The following MITF variants were observed in gnomAD, a reference collection of about 807,000 sequenced individuals.
MITF encodes the protein melanocyte inducing transcription factor.
Under a neutral mutation model 60.5 loss-of-function variants are expected in MITF, and 17 were observed. That is an observed-to-expected ratio of 0.28 (90% CI 0.19 to 0.42). MITF has a LOEUF of 0.42. Ranked by LOEUF, MITF falls within the 10% of genes least tolerant of loss-of-function variation. The pLI is 1.00. For missense variants in MITF, 622 were observed against 683.5 expected, an observed-to-expected ratio of 0.91 and a Z score of 1.00; for synonymous variants, 260 against 248.5, an observed-to-expected ratio of 1.05 and a Z score of -0.43.
rs201810369 is a variant in MITF at position 69,949,105 on chromosome 3, C to G, written c.817C>G (p.Pro273Ala). 12 of 1,613,766 alleles carry G rather than the reference C, an allele frequency of 7.4e-6. No individual in the cohort carries two copies. In the Admixed American group the frequency reaches 1.7e-4, roughly 22 times the overall value. ...DLYGNQGLPP[P>A]GLTISNSCPA... is the part of the protein sequence containing the mutation. ...TTATGGAAACCAAGGTCTGCCCCCA[C>G]CAGGCCTCACCATCAGCAACTCCTG... Residue 273 changes from proline to alanine, a missense_variant, in exon 6 of 10, where the codon CCA becomes GCA. Transcript: ENST00000352241.
intron 1 of MITF, among the ~76,000 whole-genome samples, chr3:69,838,982 G>A (rs1559664240): frequency 6.6e-6 from 1 of 152,166 alleles, no homozygotes; most frequent in Non-Finnish European, 1.5e-5. Flanking sequence ...AATTAGGGTA[G>A]CACACTTTAT....
intron 1 of MITF, among the ~76,000 whole-genome samples, chr3:69,814,375 A>G (rs981827955): frequency 6.6e-6 from 1 of 152,086 alleles, no homozygotes; most frequent in Non-Finnish European, 1.5e-5. Context: ...GTCACCTAGG[A>G]CGGCGTGCAG....
At chr3:69,827,959 T>C (rs1405497808) in intron 1 of MITF, among the ~76,000 whole-genome samples, 5 of 152,202 alleles carry the variant, frequency 3.3e-5, no homozygotes, top group African/African-American at 1.2e-4. Flanking sequence ...TGCCAGGTGA[T>C]GTGATGGAAG....
chr3:69,770,617 CTG>C (rs1478587387), intron 1 of MITF, among the ~76,000 whole-genome samples: 1 of 152,168 alleles, frequency 6.6e-6, no homozygotes, highest in Admixed American at 6.5e-5. Flanking sequence ...TGTGTATTGA[CTG>C]TGCAAAAGCA....
At chr3:69,954,809 T>C (rs1404156010) in intron 7 of MITF, among the ~76,000 whole-genome samples, 1 of 152,196 alleles carries the variant, frequency 6.6e-6, no homozygotes, top group African/African-American at 2.4e-5. Flanking sequence ...GATTTCATCA[T>C]TGGAATAATC....
At chr3:69,948,889 G>GTGAA (rs1165098142) in intron 5 of MITF, among the ~76,000 whole-genome samples, 162 bp from the exon 6 acceptor site, 2 of 152,124 alleles carry the variant, frequency 1.3e-5, no homozygotes, top group African/African-American at 2.4e-5. Flanking sequence ...TTTAATACCT[G>GTGAA]TGAATGAAAA....
At chr3:69,926,568 G>A (rs534458103) in intron 2 of MITF, among the ~76,000 whole-genome samples, 1 of 152,178 alleles carries the variant, frequency 6.6e-6, no homozygotes, top group African/African-American at 2.4e-5. Context: ...GGGGGGAAAT[G>A]GTACAACAAA....
intron 1 of MITF, among the ~76,000 whole-genome samples, chr3:69,865,668 C>T (rs2064099730): frequency 6.6e-6 from 1 of 152,068 alleles, no homozygotes; most frequent in African/African-American, 2.4e-5. Flanking sequence ...CAAGGACAAC[C>T]CTCCTAATAT....
intron 5 of MITF, among the ~76,000 whole-genome samples, chr3:69,947,296 G>A (rs538513108): frequency 6.6e-6 from 1 of 152,162 alleles, no homozygotes; most frequent in Non-Finnish European, 1.5e-5. Flanking sequence ...AAAGATAGGG[G>A]AATAAAGCTT....
intron 1 of MITF, among the ~76,000 whole-genome samples, chr3:69,849,794 T>A (rs2063794810): frequency 6.6e-6 from 1 of 152,234 alleles, no homozygotes; most frequent in Non-Finnish European, 1.5e-5. Context: ...CTCTTTTTCC[T>A]AGCATGTACC....
chr3:69,788,612 A>G (rs1419226080), intron 1 of MITF, among the ~76,000 whole-genome samples: 1 of 152,192 alleles, frequency 6.6e-6, no homozygotes, highest in Non-Finnish European at 1.5e-5. Flanking sequence ...GTCTTTCACC[A>G]AAAATTTGCA....
At chr3:69,888,786 A>G (rs1355672575) in intron 2 of MITF, among the ~76,000 whole-genome samples, 1 of 152,004 alleles carries the variant, frequency 6.6e-6, no homozygotes, top group Admixed American at 6.6e-5. Context: ...AGGGCCATCT[A>G]TGGCCCCCCT....
chr3:69,855,543 G>C (rs950054241), intron 1 of MITF, among the ~76,000 whole-genome samples: 2 of 151,638 alleles, frequency 1.3e-5, no homozygotes, highest in Non-Finnish European at 2.9e-5. Context: ...CAGCTCTCCC[G>C]TAACTTTGTG....
intron 2 of MITF, among the ~76,000 whole-genome samples, chr3:69,895,433 G>T (rs530883702): frequency 1.3e-5 from 2 of 152,136 alleles, no homozygotes; most frequent in Non-Finnish European, 1.5e-5. Flanking sequence ...GGTCTTTTGC[G>T]TAGAGATTGA....
chr3:69,755,433 GTTTTTTTTTTTTTTTTTTTTTTTTT>G (rs542141862), intron 1 of MITF, among the ~76,000 whole-genome samples: 11 of 35,398 alleles, frequency 3.1e-4, no homozygotes, highest in African/African-American at 1.1e-3. Flanking sequence ...ACCCTTCTGG[GTTTTTTTTTTTTTTTTTTTTTTTTT>G]TTTTTTTTTT....
intron 1 of MITF, among the ~76,000 whole-genome samples, chr3:69,878,060 A>G (rs955582253): frequency 6.6e-6 from 1 of 152,208 alleles, no homozygotes; most frequent in Admixed American, 6.5e-5. Context: ...AGCCAGTACT[A>G]CATGGTACTC....
intron 1 of MITF, among the ~76,000 whole-genome samples, chr3:69,819,218 C>T (rs974471202): frequency 6.6e-6 from 1 of 152,180 alleles, no homozygotes; most frequent in Non-Finnish European, 1.5e-5. Flanking sequence ...TTTTCTATAA[C>T]CTTCTTCCTC....
chr3:69,957,001 A>C (rs1210817845), intron 8 of MITF, among the ~76,000 whole-genome samples: 1 of 152,202 alleles, frequency 6.6e-6, no homozygotes, highest in Non-Finnish European at 1.5e-5. Flanking sequence ...ATTTTTATGA[A>C]AACTTGCCTA....
At chr3:69,819,691 A>G (rs2107039091) in intron 1 of MITF, among the ~76,000 whole-genome samples, 1 of 152,328 alleles carries the variant, frequency 6.6e-6, no homozygotes, top group South Asian at 2.1e-4. Flanking sequence ...GCCATGGCTC[A>G]TGCCTGTAAC....
Sources: allele counts gnomAD v4.1 joint callset (sites outside exome capture counted in the v4.1 genomes callset), GRCh38; gene constraint gnomAD v4.1.1; transcripts MANE v1.5; gene names NCBI Gene and HGNC (gene_info 2026-07-23, HGNC 2026-07-21).